ACTN1: variants seen among roughly 807,000 people sequenced by gnomAD.
The protein encoded by ACTN1 is actinin alpha 1, also known as alpha-actinin-1.
ACTN1 carries 30 observed loss-of-function variants against 119.6 expected under a neutral mutation model. The observed-to-expected ratio is 0.25, with a 90% CI of 0.19 to 0.34. The LOEUF (loss-of-function observed/expected upper bound fraction) is 0.34, where lower values mean the gene tolerates loss of function less well. Ranked by LOEUF, ACTN1 falls within the 10% of genes least tolerant of loss-of-function variation. ACTN1 has a pLI of 1.00. For missense variants in ACTN1, 764 were observed against 1,223.4 expected (o/e 0.62, Z 5.60); for synonymous variants, 429 against 472.6 (o/e 0.91, Z 1.20).
chr14:68,880,785 G>A lies in ACTN1; in HGVS notation c.2133+25C>T, dbSNP rs773640298. Reference sequence around the variant, plus strand: ...GCAGAAGGGGCCACGGGCTCCCGAAGAGGAACAAGGCCAGCCCCACCCACC... The same window carrying A: ...GCAGAAGGGGCCACGGGCTCCCGAAAAGGAACAAGGCCAGCCCCACCCACC... On this transcript the variant is annotated intron_variant, in intron 17 of 21. Transcript: ENST00000394419. This position sits in a 1 kb window ranked among gnomAD's most constrained non-coding sequence, Gnocchi z 4.6. 3 of 1,609,706 alleles carry A rather than the reference G, an allele frequency of 1.9e-6. No individual in the cohort carries two copies. In the African/African-American group the frequency reaches 4.0e-5, roughly 22 times the overall value.
At position 68,878,411 on chromosome 14, in the gene ACTN1, C is replaced by T. The variant is rs1415437180; in HGVS notation, c.2427+47G>A. 1 of 1,521,906 alleles carries T rather than the reference C, an allele frequency of 6.6e-7. No homozygotes were observed. The highest frequency in any genetic ancestry group is 1.3e-5 in the South Asian group (1 of 76,274). 94.3% of individuals were successfully genotyped at this position (1,521,906 alleles called of 1,614,324 possible). A position where few individuals can be genotyped will look rare whatever the true frequency, so the allele number is the denominator to read the frequency against. On this transcript the variant is annotated intron_variant, in intron 20 of 21. Coordinates refer to ENST00000394419, the MANE Select transcript of ACTN1 (RefSeq NM_001130004.2). The surrounding 1 kb of genome is among the most constrained non-coding windows in gnomAD (Gnocchi z 4.4). ...CCTGGGACTTGGCTGCTCCCGCCAGCTGGCTGCCTTCTCACCAGGGCAGAC... is the reference window on the plus strand; with the variant it reads ...CCTGGGACTTGGCTGCTCCCGCCAGTTGGCTGCCTTCTCACCAGGGCAGAC...
chr14:68,931,918 TC>T (rs1370481175), intron 1 of ACTN1, among the ~76,000 whole-genome samples: 1 of 151,970 alleles, frequency 6.6e-6, no homozygotes, highest in African/African-American at 2.4e-5. Flanking sequence ...AAGCAGCCCC[TC>T]CAGTTGAGCT....
chr14:68,899,029 A>C (rs2033088302), intron 8 of ACTN1, among the ~76,000 whole-genome samples: 1 of 125,412 alleles, frequency 8.0e-6, no homozygotes, highest in African/African-American at 3.5e-5. Context: ...AGCACACCAC[A>C]CACACACACA....
Position 68,964,003 on chromosome 14 carries a change from T to C in ACTN1, c.105+14949A>G, listed in dbSNP as rs114737515. On this transcript the variant is annotated intron_variant, in intron 1 of 21. Coordinates refer to ENST00000394419, the MANE Select transcript of ACTN1 (RefSeq NM_001130004.2). Reference sequence around the variant, plus strand: ...AAATCAGAATCATCTCCCCAAGAATTTGTAATTTTATTAAATTCTAAATTG... The same window carrying C: ...AAATCAGAATCATCTCCCCAAGAATCTGTAATTTTATTAAATTCTAAATTG... Among the ~76,000 whole-genome samples the C allele has an allele frequency of 7.4e-3, 1,127 of 152,316 alleles. 14 individuals are homozygous for C. The highest frequency in any genetic ancestry group is 0.024 in the African/African-American group (995 of 41,572).
intron 6 of ACTN1, among the ~76,000 whole-genome samples, chr14:68,908,722 C>T (rs1021903955): frequency 7.2e-5 from 11 of 152,168 alleles, no homozygotes; most frequent in Admixed American, 5.9e-4. Context: ...CCAGCTCAGA[C>T]ATTGAGAACC....
At chr14:68,900,818 G>A (rs1403303772) in intron 8 of ACTN1, 1 of 152,420 alleles carries the variant, frequency 6.6e-6, no homozygotes, top group Non-Finnish European at 1.5e-5. Context: ...GGACGGAAGA[G>A]ATGGGCAAGA....
rs937362483 is a variant in ACTN1 at position 68,874,666 on chromosome 14, CTTTT to C, written c.*189_*192del. On this transcript the variant is annotated 3_prime_UTR_variant, in exon 22 of 22. Transcript: ENST00000394419. ...TGTAGTTTTTTGGTTTTTAACGTAA[CTTTT>C]TTTTCTTTTTTGCAGAAAATAATTT... is the stretch of plus-strand genomic sequence containing the variant. The C allele has an allele frequency of 2.1e-6, 1 of 469,990 alleles. No homozygotes were observed. Among genetic ancestry groups the C allele is most frequent in the Non-Finnish European group, 3.4e-6 (1 of 291,234 alleles). 29.1% of individuals were successfully genotyped at this position (469,990 alleles called of 1,614,324 possible). A position where few individuals can be genotyped will look rare whatever the true frequency, so the allele number is the denominator to read the frequency against.
At chr14:68,921,248 C>T (rs1050742184) in intron 2 of ACTN1, 123 bp from the exon 3 acceptor site, 68 of 1,285,990 alleles carry the variant, frequency 5.3e-5, no homozygotes, top group Middle Eastern at 2.7e-4. Flanking sequence ...CATGTGTGCA[C>T]GTGTGTGTGT....
chr14:68,888,229 C>T (rs2032185409), intron 11 of ACTN1: 1 of 393,924 alleles, frequency 2.5e-6, no homozygotes, highest in African/African-American at 2.1e-5. Context: ...ATTCCCAGGT[C>T]AGAGTGTAGT....
At chr14:68,965,005 C>A (rs1362782915) in intron 1 of ACTN1, among the ~76,000 whole-genome samples, 1 of 152,222 alleles carries the variant, frequency 6.6e-6, no homozygotes, top group East Asian at 1.9e-4. Flanking sequence ...TAGCCAGAAC[C>A]CCAGCAGCTT....
intron 1 of ACTN1, among the ~76,000 whole-genome samples, chr14:68,954,604 G>T (rs367878499): frequency 1.9e-4 from 29 of 152,268 alleles, no homozygotes; most frequent in African/African-American, 6.7e-4. Context: ...GGGATTACAG[G>T]CATGAGCCAC....
intron 1 of ACTN1, among the ~76,000 whole-genome samples, chr14:68,926,932 T>C (rs935757173): frequency 2.0e-5 from 3 of 152,148 alleles, no homozygotes; most frequent in African/African-American, 7.2e-5. Flanking sequence ...GGACAGAAGC[T>C]ATCCCTCCAC....
At chr14:68,940,787 G>A (rs1340964628) in intron 1 of ACTN1, among the ~76,000 whole-genome samples, 1 of 152,110 alleles carries the variant, frequency 6.6e-6, no homozygotes, top group Admixed American at 6.5e-5. Context: ...CCCCTGTGTG[G>A]AAGCTCCTCT....
chr14:68,949,890 G>A (rs1056275686), intron 1 of ACTN1, among the ~76,000 whole-genome samples: 1 of 152,140 alleles, frequency 6.6e-6, no homozygotes, highest in Non-Finnish European at 1.5e-5. Context: ...ACTTACATGG[G>A]GCCCCTAGAG....
intron 1 of ACTN1, among the ~76,000 whole-genome samples, chr14:68,968,588 G>T (rs1239251664): frequency 6.6e-6 from 1 of 152,214 alleles, no homozygotes; most frequent in Non-Finnish European, 1.5e-5. Context: ...GTGAGGGAAG[G>T]TTACGGGATC....
rs376219111 is a variant in ACTN1 at position 68,882,124 on chromosome 14, C to A, written c.1953+334G>T. 6.6e-6 allele frequency among the ~76,000 whole-genome samples: 1 copy of A among 151,748 alleles called. No individual in the cohort carries two copies. The highest frequency in any genetic ancestry group is 1.5e-5 in the Non-Finnish European group (1 of 67,956). ...CTGATTTTTGTATTTTTAGTAGAGA[C>A]GGGGTTTCACCATGTTGGCCAGGCT... On this transcript the variant is annotated intron_variant, in intron 16 of 21. Coordinates refer to ENST00000394419, the MANE Select transcript of ACTN1 (RefSeq NM_001130004.2). This position sits in a 1 kb window ranked among gnomAD's most constrained non-coding sequence, Gnocchi z 4.5.
At chr14:68,961,063 C>T (rs191882846) in intron 1 of ACTN1, among the ~76,000 whole-genome samples, 26 of 152,258 alleles carry the variant, frequency 1.7e-4, no homozygotes, top group Admixed American at 1.3e-3. Context: ...GAGTGAGACC[C>T]TGTCTCTAAA....
chr14:68,879,812 G>A lies in ACTN1; in HGVS notation c.2280+150C>T, dbSNP rs1303384291. 1.1e-5 allele frequency: 12 copies of A among 1,108,990 alleles called. No individual in the cohort carries two copies. Among genetic ancestry groups the A allele is most frequent in the Non-Finnish European group, 1.5e-5 (12 of 792,104 alleles). 68.7% of individuals were successfully genotyped at this position (1,108,990 alleles called of 1,614,324 possible). Reference sequence around the variant, plus strand: ...CAGGTTTTCCAAGGCTGGTTTTGCAGGGTGCATTGAGTCAGGGCAGGCTGA... The same window carrying A: ...CAGGTTTTCCAAGGCTGGTTTTGCAAGGTGCATTGAGTCAGGGCAGGCTGA... On this transcript the variant is annotated intron_variant, in intron 18 of 21. Transcript: ENST00000394419. The surrounding 1 kb of genome is among the most constrained non-coding windows in gnomAD (Gnocchi z 4.9).
intron 1 of ACTN1, among the ~76,000 whole-genome samples, chr14:68,931,206 G>A (rs2035207148): frequency 6.6e-6 from 1 of 152,218 alleles, no homozygotes; most frequent in South Asian, 2.1e-4. Context: ...ACTGTGAAGT[G>A]AAAACACCAA....
Sources: gnomAD v4.1 joint callset for allele counts (sites outside exome capture counted in the v4.1 genomes callset) on GRCh38, gnomAD v4.1.1 for gene constraint, Gnocchi (gnomAD v3.1) non-coding constraint, MANE v1.5 for transcripts, NCBI Gene and HGNC (gene_info 2026-07-23, HGNC 2026-07-21) for gene names.